Variants in TTLL8 observed in about 807,000 individuals in gnomAD.
The protein encoded by TTLL8 is protein monoglycylase TTLL8.
In TTLL8, 65 loss-of-function variants were observed where a neutral mutation model predicts 77.8. The observed-to-expected ratio is 0.84, with a 90% confidence interval of 0.68 to 1.03. TTLL8 has a LOEUF of 1.03. TTLL8 is among the 50% of genes least tolerant of loss of function. The pLI, the probability that TTLL8 is intolerant of heterozygous loss-of-function variation, is 0.00. For synonymous variants in TTLL8, 402 were observed against 422.8 expected (o/e 0.95, Z 0.60); for missense variants, 910 against 1,004.5 (o/e 0.91, Z 1.27).
chr22:50,037,245 C>T (rs2061343227), intron 8 of TTLL8, among the ~76,000 whole-genome samples: 1 of 151,394 alleles, frequency 6.6e-6, no homozygotes. Flanking sequence ...TGCTCTGTTG[C>T]CCCAGGCTGG....
intron 12 of TTLL8, among the ~76,000 whole-genome samples, chr22:50,022,796 G>A (rs555950663): frequency 6.6e-6 from 1 of 152,260 alleles, no homozygotes; most frequent in East Asian, 1.9e-4. Context: ...GAAGTGAAAC[G>A]GAATTGATTT....
At chr22:50,024,396 G>A (rs1160796470) in intron 12 of TTLL8, among the ~76,000 whole-genome samples, 6 of 152,130 alleles carry the variant, frequency 3.9e-5, no homozygotes, top group African/African-American at 1.4e-4. Flanking sequence ...GAGTGCTGGG[G>A]TTACAGGTGT....
intron 12 of TTLL8, among the ~76,000 whole-genome samples, chr22:50,023,117 G>T (rs2061214227): frequency 6.6e-6 from 1 of 151,994 alleles, no homozygotes; most frequent in Admixed American, 6.5e-5. Context: ...CAAACAATTG[G>T]AAAATAAAAT....
At chr22:50,055,054 C>T, upstream of TTLL8, 1 of 782,216 alleles carries the variant, frequency 1.3e-6, no homozygotes, top group East Asian at 1.3e-4. Flanking sequence ...AGCAAGACTT[C>T]ATCTCAAAAA....
intron 1 of TTLL8, among the ~76,000 whole-genome samples, chr22:50,053,119 G>C (rs899390986): frequency 1.3e-5 from 2 of 152,018 alleles, no homozygotes; most frequent in Non-Finnish European, 2.9e-5. Flanking sequence ...CTACTCAGGA[G>C]GCTGAGGCAG....
chr22:50,048,599 C>G (rs1314773515), intron 3 of TTLL8, among the ~76,000 whole-genome samples: 1 of 152,192 alleles, frequency 6.6e-6, no homozygotes, highest in Admixed American at 6.5e-5. Flanking sequence ...CCAGGATGCT[C>G]TGTAGGAATG....
At chr22:50,027,418 C>G (rs2061236756) in intron 12 of TTLL8, among the ~76,000 whole-genome samples, 1 of 151,064 alleles carries the variant, frequency 6.6e-6, no homozygotes, top group Admixed American at 6.6e-5. Flanking sequence ...CCTGTGGTCC[C>G]AGCTACTCAG....
chr22:50,027,465 T>C (rs1601907010), intron 12 of TTLL8: 1 of 228,220 alleles, frequency 4.4e-6, no homozygotes, highest in Non-Finnish European at 6.9e-6. Flanking sequence ...ACCCGGGATA[T>C]GGAGGTTGCA....
At chr22:50,024,387 A>G (rs887115297) in intron 12 of TTLL8, among the ~76,000 whole-genome samples, 3 of 152,104 alleles carry the variant, frequency 2.0e-5, no homozygotes. Flanking sequence ...GGCCTCCCAG[A>G]GTGCTGGGGT....
chr22:50,050,971 C>T (rs555072711), intron 1 of TTLL8, among the ~76,000 whole-genome samples: 2 of 152,298 alleles, frequency 1.3e-5, no homozygotes, highest in Admixed American at 6.5e-5. Context: ...TTCTTTAATC[C>T]GGTGTCTGAG....
rs565060196 is a variant in TTLL8, at chr22:50,031,473, T to C, written c.1707+213A>G. On this transcript the variant is annotated intron_variant, in intron 11 of 13. Transcript: ENST00000266182. ...CCGCCCGCACGCCTGGAGTAGCCCC[T>C]TCCTCGGTGCCGACGAGGCACTGAG... 7 of 900,924 alleles carry C rather than the reference T, an allele frequency of 7.8e-6. No homozygotes were observed. In the African/African-American group the frequency reaches 1.1e-4, roughly 14 times the overall value. 55.8% of individuals were successfully genotyped at this position (900,924 alleles called of 1,614,324 possible).
intron 5 of TTLL8, 72 bp from the exon 8 acceptor site, chr22:50,045,461 C>T (rs1290291713): frequency 1.6e-5 from 21 of 1,285,638 alleles, no homozygotes; most frequent in Middle Eastern, 2.3e-4. Flanking sequence ...GCCAGGGCCA[C>T]GGAGGCTCCC....
intron 2 of TTLL8, 70 bp downstream of exon 4, chr22:50,050,039 G>A (rs1382977982): frequency 1.1e-5 from 14 of 1,321,326 alleles, no homozygotes; most frequent in East Asian, 4.8e-5. Flanking sequence ...CACTCAGGCC[G>A]GCGCCGACTC....
intron 9 of TTLL8, 112 bp from the exon 11 acceptor site, chr22:50,033,557 G>T: frequency 1.0e-6 from 1 of 971,810 alleles, no homozygotes; most frequent in Non-Finnish European, 1.4e-6. Flanking sequence ...CACTGGCTTT[G>T]TCCAAGGCCA....
intron 8 of TTLL8, among the ~76,000 whole-genome samples, chr22:50,035,201 C>T (rs1469474222): frequency 6.6e-6 from 1 of 152,148 alleles, no homozygotes; most frequent in Non-Finnish European, 1.5e-5. Context: ...CTGTGAAGAC[C>T]TGGTGGGGAC....
chr22:50,039,699 C>T (rs760690782), intron 8 of TTLL8, among the ~76,000 whole-genome samples: 1 of 151,768 alleles, frequency 6.6e-6, no homozygotes, highest in Non-Finnish European at 1.5e-5. Flanking sequence ...CCTCACGGAT[C>T]TCATGTGTGT....
chr22:50,029,972 G>A (rs907390125), intron 12 of TTLL8, among the ~76,000 whole-genome samples: 10 of 152,202 alleles, frequency 6.6e-5, no homozygotes, highest in African/African-American at 1.4e-4. Context: ...CCCGATGGGG[G>A]CCGGGCGTGG....
At chr22:50,043,317 C>T (rs370976928) in intron 6 of TTLL8, among the ~76,000 whole-genome samples, 2 of 149,938 alleles carry the variant, frequency 1.3e-5, no homozygotes, top group African/African-American at 4.9e-5. Flanking sequence ...ACATGTTCTT[C>T]GGTAGATGGA....
At position 50,045,397 on chromosome 22, in the gene TTLL8, G is replaced by C. The variant is rs200982355; in HGVS notation, c.509-8C>G. On this transcript the variant is annotated splice_polypyrimidine_tract_variant and splice_region_variant and intron_variant, in intron 5 of 13. Transcript: ENST00000266182. The stretch of plus-strand genomic sequence containing the variant: ...TGGTGCGCCGGAAGTCTTCTGAAAG[G>C]ACAGCACAGCCTCGCCCTATCTGTC... The C allele has an allele frequency of 1.5e-4, 201 of 1,364,832 alleles. No individual in the cohort carries two copies. Among genetic ancestry groups the C allele is most frequent in the Non-Finnish European group, 1.8e-4 (188 of 1,021,802 alleles). 84.5% of individuals were successfully genotyped at this position (1,364,832 alleles called of 1,614,324 possible). A position where few individuals can be genotyped will look rare whatever the true frequency, so the allele number is the denominator to read the frequency against.
Sources: gnomAD v4.1 joint callset for allele counts (sites outside exome capture counted in the v4.1 genomes callset) on GRCh38, gnomAD v4.1.1 for gene constraint, MANE v1.5 for transcripts, NCBI Gene and HGNC (gene_info 2026-07-23, HGNC 2026-07-21) for gene names.